The following ENTREP2 variants were observed in gnomAD, a reference collection of about 807,000 sequenced individuals.
ENTREP2 encodes endosomal transmembrane epsin interactor 2, also known as protein ENTREP2.
the ENTREP2 span, among the ~76,000 whole-genome samples, chr15:29,398,173 T>C: frequency 4.7e-5 from 7 of 149,286 alleles, no homozygotes; most frequent in Non-Finnish European, 8.9e-5. Flanking sequence ...ATACTAGATA[T>C]AAACACACAA....
chr15:29,647,602 G>C, the ENTREP2 span, among the ~76,000 whole-genome samples: 1 of 152,024 alleles, frequency 6.6e-6, no homozygotes, highest in African/African-American at 2.4e-5. Flanking sequence ...TCTTTATTTA[G>C]AATGACTAAC....
At chr15:29,172,182 CCA>C in the ENTREP2 span, among the ~76,000 whole-genome samples, 1 of 152,120 alleles carries the variant, frequency 6.6e-6, no homozygotes, top group East Asian at 1.9e-4. Flanking sequence ...CCTCCAAAAT[CCA>C]CACAGTCTTA....
At chr15:29,409,580 C>T in the ENTREP2 span, among the ~76,000 whole-genome samples, 4 of 151,936 alleles carry the variant, frequency 2.6e-5, no homozygotes, top group African/African-American at 9.7e-5. Flanking sequence ...CCACCTTGGC[C>T]TCACAAAGTG....
chr15:29,504,485 C>G, the ENTREP2 span, among the ~76,000 whole-genome samples: 1 of 152,168 alleles, frequency 6.6e-6, no homozygotes, highest in African/African-American at 2.4e-5. Flanking sequence ...AGAAATTCCT[C>G]TTTGTTTACA....
At chr15:29,437,968 C>T in the ENTREP2 span, among the ~76,000 whole-genome samples, 1 of 152,184 alleles carries the variant, frequency 6.6e-6, no homozygotes, top group Non-Finnish European at 1.5e-5. Flanking sequence ...AAGAATTCAA[C>T]ACAAATTTTA....
chr15:29,366,983 G>A, the ENTREP2 span, among the ~76,000 whole-genome samples: 1 of 152,160 alleles, frequency 6.6e-6, no homozygotes, highest in Non-Finnish European at 1.5e-5. Context: ...TTTGGAGAGA[G>A]ATGACATCAG....
At chr15:29,247,916 T>G in the ENTREP2 span, among the ~76,000 whole-genome samples, 1 of 152,218 alleles carries the variant, frequency 6.6e-6, no homozygotes, top group African/African-American at 2.4e-5. Flanking sequence ...CCTGGCAAGT[T>G]CAGGGTTCCC....
At chr15:29,337,809 C>T in the ENTREP2 span, among the ~76,000 whole-genome samples, 1 of 152,118 alleles carries the variant, frequency 6.6e-6, no homozygotes, top group Non-Finnish European at 1.5e-5. Flanking sequence ...GAAACTGAGG[C>T]ACAGAGACAG....
the ENTREP2 span, among the ~76,000 whole-genome samples, chr15:29,251,225 A>G: frequency 0.58 from 88,467 of 152,016 alleles, 25,849 homozygotes; most frequent in South Asian, 0.62. Context: ...GTAGCCTGCT[A>G]TTGCTTCCAA....
the ENTREP2 span, among the ~76,000 whole-genome samples, chr15:29,495,859 T>C: frequency 0.32 from 49,359 of 151,964 alleles, 8,210 homozygotes; most frequent in African/African-American, 0.39. Flanking sequence ...TTCAGTTTTG[T>C]TCTTCCTGTT....
the ENTREP2 span, chr15:29,194,980 G>A: frequency 3.8e-6 from 1 of 265,618 alleles, no homozygotes; most frequent in African/African-American, 2.3e-5. Flanking sequence ...CGCAGAGTGA[G>A]CAACGGCTGC....
chr15:29,494,551 A>G, the ENTREP2 span, among the ~76,000 whole-genome samples: 1 of 152,226 alleles, frequency 6.6e-6, no homozygotes, highest in Non-Finnish European at 1.5e-5. Flanking sequence ...CTACTCTCTT[A>G]GCAAATTTCA....
the ENTREP2 span, among the ~76,000 whole-genome samples, chr15:29,218,479 C>T: frequency 6.6e-6 from 1 of 152,038 alleles, no homozygotes; most frequent in Non-Finnish European, 1.5e-5. Flanking sequence ...AAAATTCATA[C>T]AAAACCAAAA....
At chr15:29,596,048 C>T in the ENTREP2 span, among the ~76,000 whole-genome samples, 2 of 152,146 alleles carry the variant, frequency 1.3e-5, no homozygotes, top group East Asian at 3.9e-4. Flanking sequence ...AGAAACCAAG[C>T]TCTGAGCAGT....
At chr15:29,649,446 C>T in the ENTREP2 span, among the ~76,000 whole-genome samples, 2 of 152,054 alleles carry the variant, frequency 1.3e-5, no homozygotes, top group Non-Finnish European at 2.9e-5. Flanking sequence ...CTGGGCCAGG[C>T]GCGATGGCTC....
chr15:29,412,317 T>TC, the ENTREP2 span, among the ~76,000 whole-genome samples: 1 of 152,188 alleles, frequency 6.6e-6, no homozygotes, highest in Non-Finnish European at 1.5e-5. Context: ...AGTTCTAAGT[T>TC]CCTTATTTTT....
At chr15:29,474,960 T>C in the ENTREP2 span, among the ~76,000 whole-genome samples, 2 of 152,180 alleles carry the variant, frequency 1.3e-5, no homozygotes, top group African/African-American at 4.8e-5. Context: ...ATTTTCCCAA[T>C]GTGGAAGCAC....
At chr15:29,223,254 C>G in the ENTREP2 span, among the ~76,000 whole-genome samples, 3 of 152,126 alleles carry the variant, frequency 2.0e-5, no homozygotes, top group Admixed American at 1.3e-4. Flanking sequence ...TGAAAAGTTT[C>G]GAGTTCCAGG....
At chr15:29,643,780 CAAAA>C in the ENTREP2 span, among the ~76,000 whole-genome samples, 474 of 70,132 alleles carry the variant, frequency 6.8e-3, 3 homozygotes, top group African/African-American at 0.018. Flanking sequence ...GACTCTGTCT[CAAAA>C]AAAAAAAAAA....
Sources: allele counts gnomAD v4.1 joint callset (sites outside exome capture counted in the v4.1 genomes callset), GRCh38; gene constraint gnomAD v4.1.1; transcripts MANE v1.5; gene names NCBI Gene and HGNC (gene_info 2026-07-23, HGNC 2026-07-21).